The following USP6 variants were observed in gnomAD, a reference collection of about 807,000 sequenced individuals.
The protein encoded by USP6 is ubiquitin carboxyl-terminal hydrolase 6.
In USP6, 128 loss-of-function variants were observed where a neutral mutation model predicts 175.7. That is an observed-to-expected ratio of 0.73 (90% CI 0.63 to 0.84). The LOEUF is 0.84. Ranked by LOEUF, USP6 falls within the 40% of genes least tolerant of loss-of-function variation. USP6 has a pLI of 0.00. For missense variants in USP6, 1,498 were observed against 1,760.3 expected, an observed-to-expected ratio of 0.85 and a Z score of 2.67; for synonymous variants, 562 against 630.6, an observed-to-expected ratio of 0.89 and a Z score of 1.63.
rs774438798 is a variant in USP6 at position 5,162,870 on chromosome 17, T to C, written c.2916-14T>C. The stretch of plus-strand genomic sequence containing the variant: ...AATTATTTCTTCCTCTGTGGATCTT[T>C]CCCCCCTTTTTAGATTTTGCAGAGG... On this transcript the variant is annotated splice_polypyrimidine_tract_variant and intron_variant, in intron 32 of 37. Transcript: ENST00000574788. 3.8e-6 allele frequency: 6 copies of C among 1,590,246 alleles called. No individual in the cohort carries two copies. In the African/African-American group the frequency reaches 6.8e-5, roughly 18 times the overall value.
chr17:5,130,559 C>T, intron 10 of USP6, 43 bp from the exon 11 acceptor site: 1 of 1,612,222 alleles, frequency 6.2e-7, no homozygotes, highest in Non-Finnish European at 8.5e-7. Flanking sequence ...GCCCTTGCAC[C>T]CTTTACCTTG....
intron 37 of USP6, among the ~76,000 whole-genome samples, chr17:5,172,157 A>G (rs1234231873): frequency 6.7e-6 from 1 of 149,820 alleles, no homozygotes; most frequent in East Asian, 2.0e-4. Context: ...CCCGAGCAAC[A>G]GAGCAAGGCT....
rs775809679 is a variant in USP6 at position 5,141,460 on chromosome 17, T to C, written c.1534T>C (p.Ser512Pro). The C allele has an allele frequency of 1.2e-6, 2 of 1,609,328 alleles. No individual in the cohort carries two copies. Among genetic ancestry groups the C allele is most frequent in the South Asian group, 2.2e-5 (2 of 89,274 alleles). Reference sequence around the variant, plus strand: ...AGATATGAGTTGGCCTGAGGAGATGTCTTTTACAGCAAATAGTAGTAAAAT... The same window carrying C: ...AGATATGAGTTGGCCTGAGGAGATGCCTTTTACAGCAAATAGTAGTAAAAT... ...NKDMSWPEEMSFTANSSKIDR... is the reference protein window; with the variant it reads ...NKDMSWPEEMPFTANSSKIDR... Residue 512 changes from serine to proline, a missense_variant, in exon 23 of 38, where the codon TCT (serine) becomes CCT (proline). Ser to Pro is a moderately conservative substitution (Grantham distance 74). Coordinates refer to ENST00000574788, the MANE Select transcript of USP6 (RefSeq NM_001304284.2).
Position 5,167,922 on chromosome 17 carries a change from CT to C in USP6, c.3037-9del. Reference sequence around the variant, plus strand: ...ACACACCCCTTTCCTCCTGTTCCCTCTACCTACAGGTTGTAGATAAGCATGA... The same window carrying C: ...ACACACCCCTTTCCTCCTGTTCCCTCACCTACAGGTTGTAGATAAGCATGA... On this transcript the variant is annotated splice_polypyrimidine_tract_variant and intron_variant, in intron 33 of 37. Transcript: ENST00000574788. 1 of 1,606,532 alleles carries C rather than the reference CT, an allele frequency of 6.2e-7. No homozygotes were observed. Among genetic ancestry groups the C allele is most frequent in the South Asian group, 1.1e-5 (1 of 90,658 alleles).
chr17:5,166,251 A>G (rs1349184623), intron 33 of USP6, among the ~76,000 whole-genome samples: 1 of 152,160 alleles, frequency 6.6e-6, no homozygotes, highest in Non-Finnish European at 1.5e-5. Context: ...TCCTTTTCTA[A>G]AAAAAGAATT....
intron 25 of USP6, among the ~76,000 whole-genome samples, chr17:5,142,736 C>T (rs566232639): frequency 6.6e-6 from 1 of 152,280 alleles, no homozygotes; most frequent in South Asian, 2.1e-4. Context: ...GGATGTCATT[C>T]ATTTTACTAA....
intron 30 of USP6, among the ~76,000 whole-genome samples, chr17:5,152,321 T>C (rs1567802624): frequency 1.3e-5 from 2 of 151,876 alleles, no homozygotes; most frequent in Non-Finnish European, 2.9e-5. Context: ...ATCAGTGCAC[T>C]CACCTGAACA....
At chr17:5,131,415 G>A (rs550380461) in intron 11 of USP6, among the ~76,000 whole-genome samples, 2 of 151,352 alleles carry the variant, frequency 1.3e-5, no homozygotes, top group South Asian at 2.1e-4. Context: ...CTTATGAGGC[G>A]TGCCACTTCT....
intron 33 of USP6, among the ~76,000 whole-genome samples, chr17:5,167,308 A>G (rs1405876635): frequency 7.2e-5 from 11 of 152,188 alleles, no homozygotes; most frequent in African/African-American, 2.7e-4. Context: ...CTTGAGGGCC[A>G]GCTCACATGT....
intron 35 of USP6, among the ~76,000 whole-genome samples, chr17:5,169,843 A>G (rs1371216826): frequency 1.3e-5 from 2 of 152,234 alleles, no homozygotes; most frequent in African/African-American, 4.8e-5. Flanking sequence ...ATGGAATAAT[A>G]TCGTCACTTT....
intron 35 of USP6, among the ~76,000 whole-genome samples, 184 bp from the exon 36 acceptor site, chr17:5,170,295 C>A (rs1435462619): frequency 2.6e-5 from 4 of 152,126 alleles, no homozygotes; most frequent in Non-Finnish European, 4.4e-5. Context: ...AGGGACTTGG[C>A]ATTGAAGAAG....
At chr17:5,141,192 T>C (rs1462492566) in intron 22 of USP6, among the ~76,000 whole-genome samples, 2 of 152,182 alleles carry the variant, frequency 1.3e-5, no homozygotes, top group Non-Finnish European at 2.9e-5. Context: ...ATACCATACA[T>C]AGCCTAGGTT....
intron 25 of USP6, among the ~76,000 whole-genome samples, chr17:5,143,880 C>T (rs2073530752): frequency 6.6e-6 from 1 of 151,798 alleles, no homozygotes; most frequent in Admixed American, 6.6e-5. Context: ...GAGCCAAGAT[C>T]GCACCACTGC....
chr17:5,140,468 G>A (rs1207130264), intron 22 of USP6, among the ~76,000 whole-genome samples: 1 of 152,134 alleles, frequency 6.6e-6, no homozygotes, highest in East Asian at 1.9e-4. Flanking sequence ...ACCTAGTCAG[G>A]AGGCTGAGGC....
chr17:5,170,250 A>G (rs2074183669), intron 35 of USP6, among the ~76,000 whole-genome samples: 1 of 152,178 alleles, frequency 6.6e-6, no homozygotes, highest in Admixed American at 6.5e-5. Context: ...GAGTCCCTAT[A>G]ATGCACTTTA....
Position 5,139,447 on chromosome 17 carries a change from C to G in USP6, c.1271C>G (p.Thr424Arg). ...PCPGGAVRED[T>R]YPVGTQGVPS... Reference sequence around the variant, plus strand: ...CCTGGTGGGGCTGTCCGGGAAGACACGTACCCTGTGGGCACTCAGGGTGTG... The same window carrying G: ...CCTGGTGGGGCTGTCCGGGAAGACAGGTACCCTGTGGGCACTCAGGGTGTG... The change falls in exon 22 of 38, where the codon ACG (threonine) becomes AGG (arginine). Residue 424 changes from threonine (T) to arginine (R), a missense_variant. Physicochemically the swap from Thr to Arg is moderately conservative, Grantham distance 71 (BLOSUM62 -1). Around this residue, in one of 2 missense-constraint regions of USP6, gnomAD observed 1,217 missense variants for 1,500.8 expected, o/e 0.81. Coordinates refer to ENST00000574788, the MANE Select transcript of USP6 (RefSeq NM_001304284.2). 6.2e-7 allele frequency: 1 copy of G among 1,613,146 alleles called. No homozygotes were observed. Among genetic ancestry groups the G allele is most frequent in the Admixed American group, 1.7e-5 (1 of 60,024 alleles).
At position 5,169,164 on chromosome 17, in the gene USP6, A is replaced by G. The variant is rs1417371591; in HGVS notation, c.3517+109A>G. 2.4e-6 allele frequency: 3 copies of G among 1,238,186 alleles called. No homozygotes were observed. The South Asian group carries it at 5.3e-5, about 22-fold the overall frequency. The allele number at this position is 1,238,186 out of a possible 1,614,324, so 76.7% of individuals were successfully genotyped here. On this transcript the variant is annotated intron_variant, in intron 35 of 37. Coordinates refer to ENST00000574788, the MANE Select transcript of USP6 (RefSeq NM_001304284.2). ...CAGGTTGGTTGGGTGGAAGGAACCT[A>G]TCTGGAATCAGACCTATCTGTATTT... is the stretch of plus-strand genomic sequence containing the variant.
At chr17:5,154,723 C>CG (rs2073845125) in intron 30 of USP6, among the ~76,000 whole-genome samples, 2 of 21,840 alleles carry the variant, frequency 9.2e-5, no homozygotes, top group Non-Finnish European at 2.0e-4. Flanking sequence ...TTTTTTTTTT[C>CG]CCCCCACTGG....
At chr17:5,135,530 A>G (rs889029572) in intron 16 of USP6, among the ~76,000 whole-genome samples, 24 of 152,212 alleles carry the variant, frequency 1.6e-4, no homozygotes, top group African/African-American at 5.8e-4. Flanking sequence ...ACCACTTCTC[A>G]GAACAAGAAA....
Sources: allele counts gnomAD v4.1 joint callset (sites outside exome capture counted in the v4.1 genomes callset), GRCh38; gene constraint gnomAD v4.1.1; regional missense constraint gnomAD v4.1.1; transcripts MANE v1.5; gene names NCBI Gene and HGNC (gene_info 2026-07-23, HGNC 2026-07-21).